The following RNF145 variants were observed in gnomAD, a reference collection of about 807,000 sequenced individuals.
RNF145 encodes ring finger protein 145.
A neutral mutation model predicts 57.3 loss-of-function variants in RNF145; 12 were observed. That is an observed-to-expected ratio of 0.21 (90% CI 0.13 to 0.34). The LOEUF is 0.34. Among genes scored for constraint, RNF145 ranks in the 10% least tolerant of loss-of-function variants. The pLI is 1.00. For missense variants in RNF145, 429 were observed against 799.0 expected (o/e 0.54, Z 5.58); for synonymous variants, 262 against 288.3 (o/e 0.91, Z 0.92).
rs1479015162 is a variant in RNF145 at position 159,158,553 on chromosome 5, G to A, written c.*117C>T. On this transcript the variant is annotated 3_prime_UTR_variant, in exon 11 of 11. Transcript: ENST00000424310. ...AGAGTACTTCCTGGATTAGATCCTT[G>A]GAATGTCAGTTTCCTGCCTGATCAT... 6.2e-6 allele frequency: 8 copies of A among 1,294,012 alleles called. No individual in the cohort carries two copies. The highest frequency in any genetic ancestry group is 6.4e-6 in the Non-Finnish European group (6 of 941,940). 80.2% of individuals were successfully genotyped at this position (1,294,012 alleles called of 1,614,324 possible). A position where few individuals can be genotyped will look rare whatever the true frequency, so the allele number is the denominator to read the frequency against.
intron 2 of RNF145, among the ~76,000 whole-genome samples, chr5:159,202,027 C>G (rs1182506264): frequency 6.6e-6 from 1 of 152,154 alleles, no homozygotes; most frequent in African/African-American, 2.4e-5. Context: ...AATATCTGTT[C>G]ATGCAACCAC....
chr5:159,182,658 A>G (rs531976223), intron 3 of RNF145, among the ~76,000 whole-genome samples: 5 of 152,280 alleles, frequency 3.3e-5, no homozygotes, highest in African/African-American at 1.2e-4. Flanking sequence ...ATTCCTTTTA[A>G]AATTTAACTC....
chr5:159,176,548 G>T, intron 5 of RNF145, 84 bp downstream of exon 5: 1 of 837,804 alleles, frequency 1.2e-6, no homozygotes, highest in Non-Finnish European at 1.9e-6. Context: ...CCATAACTGT[G>T]AAATAAAAAT....
chr5:159,203,634 T>TC lies in RNF145; in HGVS notation c.-18_-17insG. 6 of 1,077,204 alleles carry TC rather than the reference T, an allele frequency of 5.6e-6. No individual in the cohort carries two copies. Among genetic ancestry groups the TC allele is most frequent in the African/African-American group, 1.6e-5 (1 of 60,900 alleles). 66.7% of individuals were successfully genotyped at this position (1,077,204 alleles called of 1,614,324 possible). A position where few individuals can be genotyped will look rare whatever the true frequency, so the allele number is the denominator to read the frequency against. ...TGCAGCCATGTTGTTTTTTTTTTTC[T>TC]TTTTTTTTTTCTTGGAGAAGACCTA... On this transcript the variant is annotated 5_prime_UTR_variant, in exon 2 of 11. Coordinates refer to ENST00000424310, the MANE Select transcript of RNF145 (RefSeq NM_001199383.2).
In RNF145 at chr5:159,174,730, T is replaced by C. The variant is rs1222283479; in HGVS notation, c.622-572A>G. ...CTCCTACTGTGTTTTTATCAAGCTA[T>C]GTTTTTCCATTTGGTTTGCCAAGTG... On this transcript the variant is annotated intron_variant, in intron 5 of 10. Coordinates refer to ENST00000424310, the MANE Select transcript of RNF145 (RefSeq NM_001199383.2). Among the ~76,000 whole-genome samples, 4 of 152,212 alleles carry C rather than the reference T, an allele frequency of 2.6e-5. No individual in the cohort carries two copies. In the East Asian group the frequency reaches 7.7e-4, roughly 29 times the overall value.
At chr5:159,159,985 C>A (rs1784160515) in intron 10 of RNF145, among the ~76,000 whole-genome samples, 1 of 152,170 alleles carries the variant, frequency 6.6e-6, no homozygotes, top group Non-Finnish European at 1.5e-5. Flanking sequence ...GGAAGCTAAG[C>A]AGTTTTACTC....
rs559630905 is a variant in RNF145, at chr5:159,164,869, G to A, written c.1122-1790C>T. On this transcript the variant is annotated intron_variant, in intron 8 of 10. Transcript: ENST00000424310. ...ACTCACACATCCTCCTAAGCTAAAC[G>A]TGGAAATTACCTACAGTTCAAGCAA... is the stretch of plus-strand genomic sequence containing the variant. 3.3e-4 allele frequency among the ~76,000 whole-genome samples: 51 copies of A among 152,258 alleles called. 1 individual carries two copies. Among genetic ancestry groups the A allele is most frequent in the South Asian group, 2.7e-3 (13 of 4,814 alleles).
chr5:159,184,204 T>C (rs955713191), intron 3 of RNF145, among the ~76,000 whole-genome samples: 3 of 152,240 alleles, frequency 2.0e-5, no homozygotes, highest in Non-Finnish European at 2.9e-5. Context: ...CTAAACATTA[T>C]GCTAGAATTT....
intron 8 of RNF145, among the ~76,000 whole-genome samples, chr5:159,167,873 T>A (rs1784436521): frequency 6.6e-6 from 1 of 152,200 alleles, no homozygotes; most frequent in African/African-American, 2.4e-5. Flanking sequence ...GAATCTGATG[T>A]ACTATAATTA....
intron 4 of RNF145, 90 bp downstream of exon 4, chr5:159,181,870 G>T: frequency 2.7e-6 from 2 of 731,050 alleles, no homozygotes; most frequent in Non-Finnish European, 2.4e-6. Flanking sequence ...TGAGAATTCC[G>T]TTTTAAAAAA....
intron 8 of RNF145, among the ~76,000 whole-genome samples, chr5:159,166,393 T>C (rs1784394725): frequency 6.6e-6 from 1 of 152,242 alleles, no homozygotes; most frequent in Non-Finnish European, 1.5e-5. Context: ...ATCTTTTCTT[T>C]CATAGTCATA....
At chr5:159,204,476 T>C (rs1055028029) in intron 1 of RNF145, among the ~76,000 whole-genome samples, 2 of 152,188 alleles carry the variant, frequency 1.3e-5, no homozygotes, top group African/African-American at 4.8e-5. Context: ...CTGCTTTATA[T>C]GGTAGAACTT....
chr5:159,204,694 C>T (rs961038059), intron 1 of RNF145, among the ~76,000 whole-genome samples: 1 of 150,590 alleles, frequency 6.6e-6, no homozygotes, highest in Non-Finnish European at 1.5e-5. Context: ...GTCCCAGCTA[C>T]TCAGGAGGCT....
At chr5:159,193,166 A>G (rs1346633307) in intron 3 of RNF145, among the ~76,000 whole-genome samples, 1 of 152,144 alleles carries the variant, frequency 6.6e-6, no homozygotes, top group Non-Finnish European at 1.5e-5. Context: ...ACAGTGACAT[A>G]CTTCTGTCAT....
At chr5:159,182,922 T>C (rs1455848534) in intron 3 of RNF145, among the ~76,000 whole-genome samples, 1 of 152,158 alleles carries the variant, frequency 6.6e-6, no homozygotes, top group Admixed American at 6.5e-5. Context: ...ATTTCAAGTA[T>C]TTCCAAACAA....
At chr5:159,173,007 G>GA (rs1159786275) in intron 6 of RNF145, among the ~76,000 whole-genome samples, 1 of 152,066 alleles carries the variant, frequency 6.6e-6, no homozygotes, top group Non-Finnish European at 1.5e-5. Flanking sequence ...CTCAAGAGTG[G>GA]AAAAAATAAC....
chr5:159,209,160 G>C, intron 1 of RNF145, 71 bp downstream of exon 1: 1 of 574,840 alleles, frequency 1.7e-6, no homozygotes, highest in Non-Finnish European at 2.2e-6. Context: ...CGATGGGGGA[G>C]GGGAGGGAGG....
In RNF145 at chr5:159,158,709, G is replaced by A. The variant is rs1157782286; in HGVS notation, c.1953C>T (p.His651=). 1.2e-6 allele frequency: 2 copies of A among 1,613,824 alleles called. No homozygotes were observed. The highest frequency in any genetic ancestry group is 2.7e-5 in the African/African-American group (2 of 74,922). ...CAGGATGTGCTTCATCTTTCGCACT[G>A]TGAGGATATTCTTTGGGGTCAAAAG... ...EGAFDPKEYP[H]SAKDEAHPVE... The change falls in exon 11 of 11, where the codon CAC becomes CAT. Residue 651 remains histidine (H), a synonymous_variant. Transcript: ENST00000424310.
intron 6 of RNF145, among the ~76,000 whole-genome samples, chr5:159,170,443 T>C (rs1406864000): frequency 2.6e-5 from 4 of 152,204 alleles, no homozygotes; most frequent in South Asian, 4.1e-4. Flanking sequence ...AAGTTTGCTA[T>C]GATACTATTC....
Sources: gnomAD v4.1 joint callset for allele counts (sites outside exome capture counted in the v4.1 genomes callset) on GRCh38, gnomAD v4.1.1 for gene constraint, MANE v1.5 for transcripts, NCBI Gene and HGNC (gene_info 2026-07-23, HGNC 2026-07-21) for gene names.